The following NGLY1 variants were observed in gnomAD, a reference collection of about 807,000 sequenced individuals.
The protein encoded by NGLY1 is N-glycanase 1.
Under a neutral mutation model 84.6 loss-of-function variants are expected in NGLY1, and 68 were observed. The ratio of observed to expected loss-of-function variants is 0.80; its 90% CI spans 0.66 to 0.98. The LOEUF (loss-of-function observed/expected upper bound fraction) is 0.98, where lower values mean the gene tolerates loss of function less well. Ranked by LOEUF, NGLY1 falls within the 50% of genes least tolerant of loss-of-function variation. The pLI is 0.00. For synonymous variants in NGLY1, 280 were observed against 275.2 expected, an observed-to-expected ratio of 1.02 and a Z score of -0.17; for missense variants, 779 against 770.2, an observed-to-expected ratio of 1.01 and a Z score of -0.14.
chr3:25,749,783 AT>A (rs1706634419), intron 4 of NGLY1: 1 of 1,353,584 alleles, frequency 7.4e-7, no homozygotes. Context: ...CTGTGCTGAG[AT>A]TGCTCACAAT....
chr3:25,741,523 A>G (rs1450068949), intron 4 of NGLY1, among the ~76,000 whole-genome samples: 2 of 152,142 alleles, frequency 1.3e-5, no homozygotes, highest in African/African-American at 2.4e-5. Context: ...ATAGGTGAGT[A>G]TGTTTATGTT....
chr3:25,765,417 G>A (rs973433941), intron 2 of NGLY1, among the ~76,000 whole-genome samples: 26 of 145,922 alleles, frequency 1.8e-4, no homozygotes, highest in African/African-American at 6.7e-4. Context: ...TCGTGCCACT[G>A]CACTCCAGCC....
chr3:25,776,992 A>T (rs997774363), intron 2 of NGLY1, among the ~76,000 whole-genome samples: 2 of 152,216 alleles, frequency 1.3e-5, no homozygotes, highest in African/African-American at 4.8e-5. Flanking sequence ...GACTAATGTA[A>T]TAAGCTTTCT....
intron 1 of NGLY1, among the ~76,000 whole-genome samples, chr3:25,781,177 C>T (rs1191231392): frequency 1.3e-5 from 2 of 152,080 alleles, no homozygotes; most frequent in African/African-American, 4.8e-5. Flanking sequence ...TCTCAAACTC[C>T]TAAGCTCAAG....
At chr3:25,789,894 G>C in exon 1 of NGLY1, 1 of 1,551,604 alleles carries the variant, frequency 6.4e-7, no homozygotes, top group Non-Finnish European at 8.7e-7. Flanking sequence ...TCGATTATCG[G>C]CGAGTCACTG....
intron 3 of NGLY1, chr3:25,755,229 C>T: frequency 4.4e-6 from 6 of 1,372,536 alleles, no homozygotes; most frequent in African/African-American, 1.4e-5. Flanking sequence ...AATCAAACCC[C>T]TTTGCCACTG....
chr3:25,719,335 A>T lies in NGLY1; in HGVS notation c.*125T>A. 1 of 657,172 alleles carries T rather than the reference A, an allele frequency of 1.5e-6. No homozygotes were observed. Among genetic ancestry groups the T allele is most frequent in the East Asian group, 2.6e-5 (1 of 38,052 alleles). The allele number at this position is 657,172 out of a possible 1,614,324, so 40.7% of individuals were successfully genotyped here. ...AGATAATTTTCATGAGGGTTACATG[A>T]TGGATAGCTAGCAAAAGAAATATGC... is the stretch of plus-strand genomic sequence containing the variant. On this transcript the variant is annotated 3_prime_UTR_variant, in exon 12 of 12. Coordinates refer to ENST00000280700, the MANE Select transcript of NGLY1 (RefSeq NM_018297.4).
At chr3:25,737,518 A>T in intron 5 of NGLY1, 63 bp from the exon 6 acceptor site, 3 of 1,333,758 alleles carry the variant, frequency 2.2e-6, no homozygotes, top group South Asian at 1.4e-5. Flanking sequence ...AATTTACATT[A>T]CCTCTATGCT....
At chr3:25,732,995 G>A (rs1231304618) in intron 8 of NGLY1, among the ~76,000 whole-genome samples, 1 of 152,176 alleles carries the variant, frequency 6.6e-6, no homozygotes, top group East Asian at 1.9e-4. Context: ...ATTATTAAGT[G>A]GCATGAGAAG....
At chr3:25,759,853 T>G (rs567043185) in intron 3 of NGLY1, among the ~76,000 whole-genome samples, 1 of 151,974 alleles carries the variant, frequency 6.6e-6, no homozygotes, top group African/African-American at 2.4e-5. Flanking sequence ...GTGTATAATT[T>G]TGTCAAATCG....
At position 25,783,063 on chromosome 3, in the gene NGLY1, C is replaced by A. The variant is rs1708492969; in HGVS notation, c.131+197G>T. On this transcript the variant is annotated intron_variant, in intron 1 of 11. Transcript: ENST00000280700. The surrounding 1 kb of genome is among the most constrained non-coding windows in gnomAD (Gnocchi z 4.5). ...TGCAAAGAAACTTCCTTTTCTCGAG[C>A]GGGGGTGGGACTTGGCCGGGTCCCG... 3.7e-6 allele frequency: 2 copies of A among 534,074 alleles called. No individual in the cohort carries two copies. The highest frequency in any genetic ancestry group is 3.3e-6 in the Non-Finnish European group (1 of 298,580). The allele number at this position is 534,074 out of a possible 1,614,324, so 33.1% of individuals were successfully genotyped here.
intron 2 of NGLY1, among the ~76,000 whole-genome samples, chr3:25,777,295 T>C (rs1278577946): frequency 6.7e-6 from 1 of 148,560 alleles, no homozygotes; most frequent in Non-Finnish European, 1.5e-5. Context: ...CTCAGGAGGC[T>C]GAGGCAGGAG....
At chr3:25,741,937 G>A (rs1706169333) in intron 4 of NGLY1, among the ~76,000 whole-genome samples, 1 of 152,162 alleles carries the variant, frequency 6.6e-6, no homozygotes, top group African/African-American at 2.4e-5. Flanking sequence ...GGAGGCGGAG[G>A]TTGCAGTGAG....
At position 25,719,605 on chromosome 3, in the gene NGLY1, G is replaced by C. The variant is rs1436602858; in HGVS notation, c.1820C>G (p.Ser607Cys). The C allele has an allele frequency of 1.2e-6, 2 of 1,612,750 alleles. No homozygotes were observed. Among genetic ancestry groups the C allele is most frequent in the Non-Finnish European group, 8.5e-7 (1 of 1,179,432 alleles). The change falls in exon 12 of 12, where the codon TCT becomes TGT. Residue 607 changes from serine to cysteine, a missense_variant. Physicochemically the swap from Ser to Cys is moderately radical, Grantham distance 112 (BLOSUM62 -1). Transcript: ENST00000280700. Reference sequence around the variant, plus strand: ...TTCCAAAATAACTTCAGTGGCACCAGAAAAATCAGCATAGGAGTGAAGACT... The same window carrying C: ...TTCCAAAATAACTTCAGTGGCACCACAAAAATCAGCATAGGAGTGAAGACT... ...DNSLHSYADFSGATEVILEAE... is the reference protein window; with the variant it reads ...DNSLHSYADFCGATEVILEAE...
intron 2 of NGLY1, among the ~76,000 whole-genome samples, chr3:25,765,518 T>G (rs935257060): frequency 7.9e-5 from 12 of 151,746 alleles, no homozygotes; most frequent in Non-Finnish European, 1.8e-4. Context: ...CATGAGCATT[T>G]AAATTAAACT....
Position 25,739,724 on chromosome 3 carries a change from A to T in NGLY1, c.734T>A (p.Val245Glu). ...HWFKEEFFHW[V>E]NNVLCSKCGG... ...ACATTTGCTGCACAAAACGTTATTCACCCAGTGAAAAAATTCTTCCTTAAA... is the reference window on the plus strand; with the variant it reads ...ACATTTGCTGCACAAAACGTTATTCTCCCAGTGAAAAAATTCTTCCTTAAA... The change falls in exon 5 of 12, where the codon GTG becomes GAG. Residue 245 changes from valine (V) to glutamate (E), a missense_variant. Transcript: ENST00000280700. 2 of 1,614,090 alleles carry T rather than the reference A, an allele frequency of 1.2e-6. No homozygotes were observed. Among genetic ancestry groups the T allele is most frequent in the Non-Finnish European group, 1.7e-6 (2 of 1,179,990 alleles).
chr3:25,760,692 T>C (rs182747041), intron 3 of NGLY1, among the ~76,000 whole-genome samples: 38 of 151,966 alleles, frequency 2.5e-4, no homozygotes, highest in Non-Finnish European at 4.7e-4. Context: ...AAACCCCGTC[T>C]CTACTAAAAA....
chr3:25,730,727 T>G (rs1030396219), intron 9 of NGLY1, among the ~76,000 whole-genome samples: 3 of 152,150 alleles, frequency 2.0e-5, no homozygotes. Context: ...ACATAAAATT[T>G]ATTAGTGATA....
At chr3:25,721,986 G>A (rs978418723) in intron 10 of NGLY1, among the ~76,000 whole-genome samples, 2 of 151,840 alleles carry the variant, frequency 1.3e-5, no homozygotes, top group Admixed American at 1.3e-4. Flanking sequence ...GGGAGGCTGA[G>A]GCAGTCGGAT....
Sources: gnomAD v4.1 joint callset for allele counts (sites outside exome capture counted in the v4.1 genomes callset) on GRCh38, gnomAD v4.1.1 for gene constraint, Gnocchi (gnomAD v3.1) non-coding constraint, MANE v1.5 for transcripts, NCBI Gene and HGNC (gene_info 2026-07-23, HGNC 2026-07-21) for gene names.